RRP12: variants seen among roughly 807,000 people sequenced by gnomAD.
The protein encoded by RRP12 is ribosomal RNA processing 12 homolog, also known as RRP12-like protein.
RRP12 carries 78 observed loss-of-function variants against 157.3 expected under a neutral mutation model. The observed-to-expected ratio is 0.50, with a 90% CI of 0.41 to 0.60. RRP12 has a LOEUF of 0.60. Ranked by LOEUF, RRP12 falls within the 20% of genes least tolerant of loss-of-function variation. The pLI, the probability that RRP12 is intolerant of heterozygous loss-of-function variation, is 0.00. For missense variants in RRP12, 1,521 were observed against 1,679.9 expected (o/e 0.91, Z 1.65); for synonymous variants, 726 against 670.9 (o/e 1.08, Z -1.27).
At chr10:97,372,834 A>T in intron 18 of RRP12, 31 bp from the exon 19 acceptor site, 1 of 1,548,152 alleles carries the variant, frequency 6.5e-7, no homozygotes, top group Non-Finnish European at 8.7e-7. Flanking sequence ...AGGAGAAGAG[A>T]GTCATTGGGG....
chr10:97,363,431 C>A (rs1843892409), intron 30 of RRP12, among the ~76,000 whole-genome samples: 2 of 152,114 alleles, frequency 1.3e-5, no homozygotes, highest in Admixed American at 1.3e-4. Context: ...GTCCTGTGAC[C>A]CTGGGCAGGC....
intron 2 of RRP12, among the ~76,000 whole-genome samples, chr10:97,398,037 G>GTATA (rs1845030006): frequency 3.8e-4 from 14 of 36,568 alleles, no homozygotes; most frequent in Non-Finnish European, 5.5e-4. Context: ...ATATATATAC[G>GTATA]TATTTTTTTT....
Position 97,372,150 on chromosome 10 carries a change from G to C in RRP12, c.2266C>G (p.Leu756Val), listed in dbSNP as rs971940004. 2.5e-6 allele frequency: 4 copies of C among 1,613,548 alleles called. No homozygotes were observed. The African/African-American group carries it at 4.0e-5, about 16-fold the overall frequency. The change falls in exon 20 of 34, where the codon CTG becomes GTG. Residue 756 changes from leucine to valine, a missense_variant. Leu to Val is a conservative substitution (Grantham distance 32). Transcript: ENST00000370992. Reference sequence around the variant, plus strand: ...GCACACGGAGCCAAGGCCACGACCAGGTCCAGGACAGACAATCTGCTCGGG... The same window carrying C: ...GCACACGGAGCCAAGGCCACGACCACGTCCAGGACAGACAATCTGCTCGGG... ...SDFTRLSVLD[L>V]VVALAPCADE...
chr10:97,369,352 C>T, intron 25 of RRP12, 73 bp downstream of exon 25: 3 of 1,494,778 alleles, frequency 2.0e-6, no homozygotes, highest in South Asian at 1.2e-5. Flanking sequence ...TTGCTGGCCT[C>T]GAAGCTTGCC....
At chr10:97,363,947 T>C (rs1411982572) in intron 29 of RRP12, 44 bp from the exon 30 acceptor site, 1 of 1,579,224 alleles carries the variant, frequency 6.3e-7, no homozygotes, top group Non-Finnish European at 8.7e-7. Flanking sequence ...TGGGAGCTCC[T>C]CAAAACCTAC....
chr10:97,401,012 T>C (rs1320022221), intron 1 of RRP12, 81 bp downstream of exon 1: 2 of 1,533,188 alleles, frequency 1.3e-6, no homozygotes, highest in African/African-American at 2.7e-5. Context: ...CCCCGCACTC[T>C]CCCAGAGGCC....
Position 97,358,609 on chromosome 10 carries a change from C to T in RRP12, c.3719G>A (p.Gly1240Asp). 1.2e-6 allele frequency: 2 copies of T among 1,613,812 alleles called. No homozygotes were observed. Among genetic ancestry groups the T allele is most frequent in the Non-Finnish European group, 1.7e-6 (2 of 1,179,802 alleles). The change falls in exon 33 of 34, where the codon GGT becomes GAT. Residue 1240 changes from glycine (G) to aspartate (D), a missense_variant. Gly to Asp is a moderately conservative substitution (Grantham distance 94). Transcript: ENST00000370992. The stretch of plus-strand genomic sequence containing the variant: ...CGGCCGGCCTTTCTTCTTCACATCA[C>T]CTTTTGCTTTCTGCTTGCCCAGAGA... ...GAEYKAKKAK[G>D]DVKKKGRPDP...
chr10:97,356,811 C>T lies in RRP12; in HGVS notation c.*283G>A, dbSNP rs1348300586. 1.4e-5 allele frequency: 5 copies of T among 357,004 alleles called. No individual in the cohort carries two copies. Among genetic ancestry groups the T allele is most frequent in the Non-Finnish European group, 2.0e-5 (4 of 199,010 alleles). 22.1% of individuals were successfully genotyped at this position (357,004 alleles called of 1,614,324 possible). A position where few individuals can be genotyped will look rare whatever the true frequency, so the allele number is the denominator to read the frequency against. The stretch of plus-strand genomic sequence containing the variant: ...CTGGCGGAAATGGAGATCATCTGTT[C>T]TGGTGCTCATGGCCACTCTGGGCAG... On this transcript the variant is annotated 3_prime_UTR_variant, in exon 34 of 34. Coordinates refer to ENST00000370992, the MANE Select transcript of RRP12 (RefSeq NM_015179.4).
downstream of RRP12, chr10:97,356,496 C>A (rs904788145): frequency 2.0e-5 from 3 of 152,352 alleles, no homozygotes; most frequent in South Asian, 4.1e-4. Flanking sequence ...CCGACACCAG[C>A]CCTGGGGCAT....
At chr10:97,367,525 A>C in intron 25 of RRP12, 1 of 224,824 alleles carries the variant, frequency 4.4e-6, no homozygotes, top group East Asian at 1.3e-4. Context: ...GTGGGAGTTC[A>C]GCCCAGACTC....
In RRP12 at chr10:97,370,706, G is replaced by A. The variant is rs201741608; in HGVS notation, c.2583+10C>T. 2.5e-3 allele frequency: 3,974 copies of A among 1,613,294 alleles called. 43 individuals carry two copies. Among genetic ancestry groups the A allele is most frequent in the South Asian group, 0.024 (2,171 of 91,052 alleles). ...AGGGACCCCCCTCTAAAACACACCC[G>A]CACACTCACCTCTGGGATGAGGGCA... On this transcript the variant is annotated intron_variant, in intron 22 of 33. Transcript: ENST00000370992.
At chr10:97,383,041 C>T (rs1844514264) in intron 10 of RRP12, among the ~76,000 whole-genome samples, 1 of 152,162 alleles carries the variant, frequency 6.6e-6, no homozygotes, top group Non-Finnish European at 1.5e-5. Flanking sequence ...GGATTATAAG[C>T]GTGAGCCACT....
Position 97,369,444 on chromosome 10 carries a change from GC to G in RRP12, c.2935del (p.Ala979ProfsTer7). ...ACTCACCACCAGCTGCACATGTTTG[GC>G]CAGGTGCGCCACGTCCATGACAGTC... Reference protein sequence around the residue: ...AVTVMDVAHLAKHVQLVMEAI... With the variant: ...AVTVMDVAHLXKHVQLVMEAI... On this transcript the variant is annotated frameshift_variant, in exon 25 of 34. Transcript: ENST00000370992. LOFTEE classifies it high-confidence loss of function. 6.2e-7 allele frequency: 1 copy of G among 1,612,216 alleles called. No individual in the cohort carries two copies. The highest frequency in any genetic ancestry group is 8.5e-7 in the Non-Finnish European group (1 of 1,179,274).
intron 6 of RRP12, among the ~76,000 whole-genome samples, chr10:97,389,717 T>C (rs1383705994): frequency 1.3e-5 from 2 of 151,358 alleles, no homozygotes. Flanking sequence ...TCTCTATTTC[T>C]TTTTTTTTCT....
intron 15 of RRP12, among the ~76,000 whole-genome samples, chr10:97,375,139 G>C (rs763255389): frequency 6.6e-6 from 1 of 151,546 alleles, no homozygotes; most frequent in African/African-American, 2.4e-5. Context: ...AAATATTTTT[G>C]TAGAGACGGA....
chr10:97,385,844 CA>C (rs766326327), intron 9 of RRP12, 50 bp downstream of exon 9: 200 of 1,369,508 alleles, frequency 1.5e-4, no homozygotes, highest in Non-Finnish European at 1.9e-4. Context: ...CACAGCCTCC[CA>C]AGGCACCACC....
In RRP12 at chr10:97,373,570, C is replaced by T. The variant is rs376467746; in HGVS notation, c.2026+5G>A. On this transcript the variant is annotated splice_donor_5th_base_variant and intron_variant, in intron 17 of 33. Coordinates refer to ENST00000370992, the MANE Select transcript of RRP12 (RefSeq NM_015179.4). ...CCAGCCCCCACTCCCACAGCCCACA[C>T]GTACCTGCCTGGCAGCCCTTGGTGA... 1.2e-4 allele frequency: 198 copies of T among 1,592,020 alleles called. No homozygotes were observed. The highest frequency in any genetic ancestry group is 1.6e-4 in the Non-Finnish European group (192 of 1,166,566).
intron 3 of RRP12, 71 bp downstream of exon 3, chr10:97,396,147 C>T: frequency 9.5e-7 from 1 of 1,051,266 alleles, no homozygotes; most frequent in South Asian, 1.3e-5. Context: ...ATGCCAGGGG[C>T]ACTCATCTTC....
At chr10:97,364,880 G>A (rs1393983404) in intron 29 of RRP12, among the ~76,000 whole-genome samples, 2 of 152,112 alleles carry the variant, frequency 1.3e-5, no homozygotes. Flanking sequence ...AGAGAGAGAG[G>A]GGAGGGGTCC....
Sources: gnomAD v4.1 joint callset for allele counts (sites outside exome capture counted in the v4.1 genomes callset) on GRCh38, gnomAD v4.1.1 for gene constraint, MANE v1.5 for transcripts, NCBI Gene and HGNC (gene_info 2026-07-23, HGNC 2026-07-21) for gene names.